The following KLHL18 variants were observed in gnomAD, a reference collection of about 807,000 sequenced individuals.
KLHL18 encodes kelch-like protein 18.
KLHL18 carries 38 observed loss-of-function variants against 58.5 expected under a neutral mutation model. The ratio of observed to expected loss-of-function variants is 0.65; its 90% CI spans 0.50 to 0.85. The LOEUF is 0.85. KLHL18 is among the 40% of genes least tolerant of loss of function. The pLI is 0.00. For missense variants in KLHL18, 624 were observed against 778.4 expected, an observed-to-expected ratio of 0.80 and a Z score of 2.36; for synonymous variants, 303 against 301.9, an observed-to-expected ratio of 1.00 and a Z score of -0.04.
intron 8 of KLHL18, 117 bp from the exon 9 acceptor site, chr3:47,342,602 G>C: frequency 1.3e-6 from 1 of 754,046 alleles, no homozygotes. Flanking sequence ...TGGTGGGAGA[G>C]GTGATAAGAG....
intron 3 of KLHL18, among the ~76,000 whole-genome samples, chr3:47,324,107 C>T (rs1449937630): frequency 4.0e-5 from 6 of 151,886 alleles, no homozygotes; most frequent in Admixed American, 3.9e-4. Flanking sequence ...AAGAGTAAAG[C>T]TGCGGAACCA....
intron 7 of KLHL18, chr3:47,337,911 T>TGTGTCTGCTCTGGACCACTTCCTTGC (rs1704022564): frequency 6.6e-6 from 1 of 152,296 alleles, no homozygotes; most frequent in South Asian, 2.1e-4. Flanking sequence ...TCCTTCCTTG[T>TGTGTCTGCTCTGGACCACTTCCTTGC]GTGTCTGCTC....
chr3:47,324,289 TCTTTCTTTC>T lies in KLHL18; in HGVS notation c.401+1582_401+1590del, dbSNP rs1305795455. ...GGAAAATGACTTCCTTTTTTCTTTT[TCTTTCTTTC>T]TTTTTTTTTTTTTTTTTTTTTTTTT... On this transcript the variant is annotated intron_variant, in intron 3 of 9. Coordinates refer to ENST00000232766, the MANE Select transcript of KLHL18 (RefSeq NM_025010.5). 1.9e-4 allele frequency among the ~76,000 whole-genome samples: 25 copies of T among 132,824 alleles called. 1 individual carries two copies. Among genetic ancestry groups the T allele is most frequent in the Middle Eastern group, 3.7e-3 (1 of 270 alleles). 87.1% of individuals were successfully genotyped at this position (132,824 alleles called of 152,430 possible).
At chr3:47,317,886 C>T (rs979825016) in intron 1 of KLHL18, among the ~76,000 whole-genome samples, 4 of 152,034 alleles carry the variant, frequency 2.6e-5, no homozygotes, top group African/African-American at 7.2e-5. Flanking sequence ...AAATTTGTGA[C>T]TTTTTTGTTT....
chr3:47,294,065 C>T (rs181148578), intron 1 of KLHL18, among the ~76,000 whole-genome samples: 5 of 152,314 alleles, frequency 3.3e-5, no homozygotes, highest in Admixed American at 6.5e-5. Context: ...TTACCTAACC[C>T]AGGATTTCTT....
At chr3:47,340,882 C>T (rs572064489) in intron 8 of KLHL18, among the ~76,000 whole-genome samples, 1 of 152,034 alleles carries the variant, frequency 6.6e-6, no homozygotes, top group African/African-American at 2.4e-5. Flanking sequence ...AAATAGTCTA[C>T]ATAGTTGCTT....
intron 3 of KLHL18, among the ~76,000 whole-genome samples, chr3:47,329,454 C>T (rs887847630): frequency 3.9e-5 from 6 of 152,214 alleles, no homozygotes; most frequent in African/African-American, 1.2e-4. Context: ...GTCTTGATCT[C>T]GTGACCTCGT....
At position 47,342,421 on chromosome 3, in the gene KLHL18, G is replaced by A. The variant is rs542033206; in HGVS notation, c.1227-298G>A. ...GCTTTATAAGTACAGCAGCTAGAGG[G>A]CTGGTGGTCTGCTTAACAAGGCAGG... On this transcript the variant is annotated intron_variant, in intron 8 of 9. Coordinates refer to ENST00000232766, the MANE Select transcript of KLHL18 (RefSeq NM_025010.5). Among the ~76,000 whole-genome samples, 6 of 152,358 alleles carry A rather than the reference G, an allele frequency of 3.9e-5. No individual in the cohort carries two copies. In the East Asian group the frequency reaches 7.7e-4, roughly 20 times the overall value.
chr3:47,310,801 G>T (rs1254310422), intron 1 of KLHL18, among the ~76,000 whole-genome samples: 1 of 152,142 alleles, frequency 6.6e-6, no homozygotes, highest in Admixed American at 6.5e-5. Flanking sequence ...GCAGTTCTAA[G>T]GTCAGCATCT....
chr3:47,303,015 C>T (rs1323547154), intron 1 of KLHL18, among the ~76,000 whole-genome samples: 1 of 152,176 alleles, frequency 6.6e-6, no homozygotes, highest in Non-Finnish European at 1.5e-5. Flanking sequence ...TTTAATTTCT[C>T]AAAGATCTAT....
chr3:47,286,432 A>G (rs190130039), intron 1 of KLHL18, among the ~76,000 whole-genome samples: 1 of 152,298 alleles, frequency 6.6e-6, no homozygotes, highest in East Asian at 1.9e-4. Flanking sequence ...AGTGTTTTTC[A>G]AGTAAACAGA....
chr3:47,328,670 G>T (rs573220793), intron 3 of KLHL18, among the ~76,000 whole-genome samples: 12 of 152,240 alleles, frequency 7.9e-5, no homozygotes, highest in Admixed American at 2.6e-4. Flanking sequence ...GGGACTGTGA[G>T]CACCATTTTT....
intron 1 of KLHL18, among the ~76,000 whole-genome samples, chr3:47,296,763 A>G (rs1394125643): frequency 6.6e-6 from 1 of 152,154 alleles, no homozygotes; most frequent in Non-Finnish European, 1.5e-5. Context: ...ATGAAAGTAC[A>G]CCTACAGTGT....
At chr3:47,312,394 T>C (rs1330803796) in intron 1 of KLHL18, among the ~76,000 whole-genome samples, 1 of 152,242 alleles carries the variant, frequency 6.6e-6, no homozygotes, top group East Asian at 1.9e-4. Context: ...GAGGTGGGTA[T>C]GTAGCAAAAT....
chr3:47,319,376 T>C (rs144233993), intron 1 of KLHL18, among the ~76,000 whole-genome samples: 1 of 152,332 alleles, frequency 6.6e-6, no homozygotes, highest in East Asian at 1.9e-4. Flanking sequence ...AACGATTACA[T>C]GAAACCATTC....
chr3:47,298,944 G>A (rs1299045729), intron 1 of KLHL18, among the ~76,000 whole-genome samples: 5 of 152,040 alleles, frequency 3.3e-5, no homozygotes, highest in Non-Finnish European at 5.9e-5. Context: ...TCCAACCATC[G>A]AAGGACATTT....
At chr3:47,322,886 A>T (rs1703621615) in intron 3 of KLHL18, among the ~76,000 whole-genome samples, 178 bp downstream of exon 3, 1 of 152,094 alleles carries the variant, frequency 6.6e-6, no homozygotes, top group Non-Finnish European at 1.5e-5. Flanking sequence ...CTTCTTTGAG[A>T]TGAATTTTTT....
In KLHL18 at chr3:47,316,930, A is replaced by G. The variant is rs187152816; in HGVS notation, c.130-2723A>G. ...TCAAGTCCAGCCTGGGGGACAGAGT[A>G]AGACCCCATCTCTAAAAACAAAAGA... On this transcript the variant is annotated intron_variant, in intron 1 of 9. Coordinates refer to ENST00000232766, the MANE Select transcript of KLHL18 (RefSeq NM_025010.5). 7.6e-4 allele frequency among the ~76,000 whole-genome samples: 116 copies of G among 151,836 alleles called. 1 individual carries two copies. The highest frequency in any genetic ancestry group is 2.6e-3 in the African/African-American group (109 of 41,358).
chr3:47,310,346 C>T (rs948384292), intron 1 of KLHL18, among the ~76,000 whole-genome samples: 1 of 152,138 alleles, frequency 6.6e-6, no homozygotes, highest in Non-Finnish European at 1.5e-5. Flanking sequence ...AGACATCTTC[C>T]TGCTTCTCTT....
Sources: allele counts gnomAD v4.1 joint callset (sites outside exome capture counted in the v4.1 genomes callset), GRCh38; gene constraint gnomAD v4.1.1; transcripts MANE v1.5; gene names NCBI Gene and HGNC (gene_info 2026-07-23, HGNC 2026-07-21).